PHIP: variants seen among roughly 807,000 people sequenced by gnomAD.
PHIP encodes PHIP subunit of CUL4-Ring ligase complex, also known as PH-interacting protein.
In PHIP, 54 loss-of-function variants were observed where a neutral mutation model predicts 236.8. The ratio of observed to expected loss-of-function variants is 0.23; its 90% CI spans 0.18 to 0.29. The LOEUF is 0.29. Ranked by LOEUF, PHIP falls within the 10% of genes least tolerant of loss-of-function variation. The pLI is 1.00. For synonymous variants in PHIP, 756 were observed against 718.9 expected (o/e 1.05, Z -0.83); for missense variants, 1,370 against 2,190.8 (o/e 0.63, Z 7.48).
chr6:78,983,280 A>C (rs1582165674), intron 22 of PHIP, among the ~76,000 whole-genome samples, 163 bp from the exon 23 acceptor site: 1 of 152,274 alleles, frequency 6.6e-6, no homozygotes, highest in African/African-American at 2.4e-5. Context: ...AAGTTTCTTG[A>C]AATTCTATAG....
intron 30 of PHIP, among the ~76,000 whole-genome samples, 189 bp from the exon 31 acceptor site, chr6:78,961,999 G>A (rs1479716730): frequency 1.3e-5 from 2 of 152,014 alleles, no homozygotes; most frequent in African/African-American, 4.8e-5. Flanking sequence ...CATTTACACT[G>A]CCAAATTCTA....
At position 79,006,334 on chromosome 6, in the gene PHIP, A is replaced by C. The variant is rs2127734805; in HGVS notation, c.1525-2476T>G. 2.6e-5 allele frequency among the ~76,000 whole-genome samples: 4 copies of C among 152,138 alleles called. No homozygotes were observed. In the South Asian group the frequency reaches 8.3e-4, roughly 32 times the overall value. On this transcript the variant is annotated intron_variant, in intron 15 of 39. Transcript: ENST00000275034. ...GCTTCCAAACAGTTGATGATATAAAACAGGAAAATATTTTACTTTCTCTAT... is the reference window on the plus strand; with the variant it reads ...GCTTCCAAACAGTTGATGATATAAACCAGGAAAATATTTTACTTTCTCTAT...
intron 4 of PHIP, among the ~76,000 whole-genome samples, chr6:79,062,499 T>C (rs1773428653): frequency 6.6e-6 from 1 of 152,172 alleles, no homozygotes; most frequent in African/African-American, 2.4e-5. Flanking sequence ...GTGACTTAAT[T>C]GATCAAAATT....
intron 35 of PHIP, 125 bp from the exon 36 acceptor site, chr6:78,947,900 T>C: frequency 1.9e-6 from 1 of 539,584 alleles, no homozygotes; most frequent in Non-Finnish European, 3.2e-6. Context: ...ATCACTCCTG[T>C]TCCCCTTATC....
intron 6 of PHIP, among the ~76,000 whole-genome samples, chr6:79,051,057 G>T (rs1377264725): frequency 1.3e-5 from 2 of 152,110 alleles, no homozygotes; most frequent in African/African-American, 2.4e-5. Context: ...ATCATATAAG[G>T]AGGAATGTTT....
chr6:79,059,198 C>G (rs918566721), intron 6 of PHIP, among the ~76,000 whole-genome samples: 4 of 151,594 alleles, frequency 2.6e-5, no homozygotes, highest in Middle Eastern at 3.2e-3. Flanking sequence ...GAAAGGATAA[C>G]GAAGCAGATA....
chr6:79,053,040 G>A (rs1227078487), intron 6 of PHIP, among the ~76,000 whole-genome samples: 2 of 152,156 alleles, frequency 1.3e-5, no homozygotes, highest in African/African-American at 2.4e-5. Flanking sequence ...AAGATCAGCT[G>A]AGTGTGGTGG....
At chr6:79,013,822 T>G (rs552597933) in intron 15 of PHIP, among the ~76,000 whole-genome samples, 1 of 151,694 alleles carries the variant, frequency 6.6e-6, no homozygotes, top group Non-Finnish European at 1.5e-5. Context: ...AGTATATATA[T>G]AGCTCACATA....
intron 7 of PHIP, among the ~76,000 whole-genome samples, chr6:79,033,319 C>T (rs963158764): frequency 6.6e-6 from 1 of 152,150 alleles, no homozygotes; most frequent in African/African-American, 2.4e-5. Context: ...CAGGCATTGA[C>T]TTCTCTCTAA....
At chr6:78,991,625 T>C (rs1769254089) in intron 19 of PHIP, among the ~76,000 whole-genome samples, 1 of 152,154 alleles carries the variant, frequency 6.6e-6, no homozygotes, top group South Asian at 2.1e-4. Context: ...TGCAAGGGTA[T>C]TTGAAATTTA....
intron 15 of PHIP, among the ~76,000 whole-genome samples, chr6:79,008,584 CT>C (rs66595903): frequency 0.49 from 74,753 of 151,814 alleles, 19,017 homozygotes; most frequent in East Asian, 0.69. Context: ...GACACACCCT[CT>C]TAAGGATTGT....
At chr6:78,988,181 C>A in intron 21 of PHIP, 28 bp downstream of exon 21, 1 of 1,466,326 alleles carries the variant, frequency 6.8e-7, no homozygotes, top group Non-Finnish European at 9.2e-7. Context: ...AAAATGACAT[C>A]TAATTTATGA....
chr6:78,981,881 A>G (rs976849776), intron 23 of PHIP, among the ~76,000 whole-genome samples: 1 of 151,998 alleles, frequency 6.6e-6, no homozygotes, highest in Non-Finnish European at 1.5e-5. Context: ...GCTTCCCCAA[A>G]CAAAAGCAAA....
chr6:78,948,376 T>C (rs1182298383), intron 35 of PHIP, among the ~76,000 whole-genome samples: 1 of 152,126 alleles, frequency 6.6e-6, no homozygotes, highest in Non-Finnish European at 1.5e-5. Context: ...AGGTAACAGA[T>C]TGGAACCAAT....
chr6:78,946,922 C>T (rs1413855626), intron 36 of PHIP, 48 bp from the exon 37 acceptor site: 2 of 1,222,414 alleles, frequency 1.6e-6, no homozygotes, highest in Non-Finnish European at 2.3e-6. Flanking sequence ...GAGGAAAATA[C>T]CTTTGTTCAG....
At chr6:79,015,917 T>C (rs1254547995) in intron 13 of PHIP, 134 bp from the exon 14 acceptor site, 1 of 605,858 alleles carries the variant, frequency 1.7e-6, no homozygotes, top group African/African-American at 1.9e-5. Context: ...GAAGTTTGAA[T>C]CAACATGGAA....
At chr6:79,026,243 T>C (rs1438230349) in intron 7 of PHIP, 79 bp from the exon 8 acceptor site, 1 of 947,354 alleles carries the variant, frequency 1.1e-6, no homozygotes, top group East Asian at 2.4e-5. Context: ...AATCTACCTG[T>C]TCTGTCCACT....
At chr6:79,048,912 T>A (rs1408273066) in intron 6 of PHIP, among the ~76,000 whole-genome samples, 1 of 152,170 alleles carries the variant, frequency 6.6e-6, no homozygotes, top group African/African-American at 2.4e-5. Flanking sequence ...AAGAATTAAG[T>A]GAGGAGGCAC....
chr6:78,951,253 C>G (rs1424063514), intron 35 of PHIP, among the ~76,000 whole-genome samples: 1 of 152,066 alleles, frequency 6.6e-6, no homozygotes, highest in East Asian at 1.9e-4. Context: ...ATGTAGAATA[C>G]TTAATTTTTC....
Sources: gnomAD v4.1 joint callset for allele counts (sites outside exome capture counted in the v4.1 genomes callset) on GRCh38, gnomAD v4.1.1 for gene constraint, MANE v1.5 for transcripts, NCBI Gene and HGNC (gene_info 2026-07-23, HGNC 2026-07-21) for gene names.